DHRS7: variants seen among roughly 807,000 people sequenced by gnomAD.
The protein encoded by DHRS7 is dehydrogenase/reductase 7.
A neutral mutation model predicts 38.9 loss-of-function variants in DHRS7; 34 were observed. That is an observed-to-expected ratio of 0.87 (90% CI 0.66 to 1.16). The LOEUF is 1.16. DHRS7 is among the 50% of genes most tolerant of loss of function. DHRS7 has a pLI of 0.00. For missense variants in DHRS7, 421 were observed against 407.0 expected, an observed-to-expected ratio of 1.03 and a Z score of -0.30; for synonymous variants, 158 against 153.1, an observed-to-expected ratio of 1.03 and a Z score of -0.24.
chr14:60,150,822 T>C (rs559034496), intron 4 of DHRS7, among the ~76,000 whole-genome samples: 2 of 152,336 alleles, frequency 1.3e-5, no homozygotes, highest in East Asian at 3.9e-4. Flanking sequence ...CTCAGCTCTT[T>C]CCAGGTATAA....
In DHRS7 at chr14:60,165,347, G is replaced by A. The variant is rs548742268; in HGVS notation, c.-38C>T. 12 of 1,549,228 alleles carry A rather than the reference G, an allele frequency of 7.7e-6. No individual in the cohort carries two copies. Among genetic ancestry groups the A allele is most frequent in the Middle Eastern group, 1.8e-4 (1 of 5,468 alleles). Reference sequence around the variant, plus strand: ...CGCCCAGCTCGGGGGGAAGAAGACGGCCCGCACCAGAGTCGCGTCGCTGCC... The same window carrying A: ...CGCCCAGCTCGGGGGGAAGAAGACGACCCGCACCAGAGTCGCGTCGCTGCC... On this transcript the variant is annotated 5_prime_UTR_variant, in exon 1 of 7. Transcript: ENST00000557185. The surrounding 1 kb of genome is among the most constrained non-coding windows in gnomAD (Gnocchi z 4.6).
In DHRS7 at chr14:60,156,738, A is replaced by G. The variant is rs188859954; in HGVS notation, c.134-586T>C. On this transcript the variant is annotated intron_variant, in intron 1 of 6. Coordinates refer to ENST00000557185, the MANE Select transcript of DHRS7 (RefSeq NM_016029.4). Reference sequence around the variant, plus strand: ...CATTTGCCAATAATGCCTGATGCCTATCAGCTCAAGGTCATTTTGTAAAAA... The same window carrying G: ...CATTTGCCAATAATGCCTGATGCCTGTCAGCTCAAGGTCATTTTGTAAAAA... 3.8e-4 allele frequency among the ~76,000 whole-genome samples: 58 copies of G among 152,346 alleles called. 1 individual carries two copies. The highest frequency in any genetic ancestry group is 5.9e-4 in the Admixed American group (9 of 15,302).
chr14:60,147,929 G>T (rs192702203), intron 6 of DHRS7: 1 of 152,276 alleles, frequency 6.6e-6, no homozygotes, highest in Admixed American at 6.5e-5. Context: ...TAAAACTCAG[G>T]TATACTCTTT....
At chr14:60,149,196 C>T (rs412157) in intron 6 of DHRS7, 157 bp downstream of exon 6, 148,244 of 667,634 alleles carry the variant, frequency 0.22, 21,515 homozygotes, top group African/African-American at 0.52. Flanking sequence ...TGGTCTTGAA[C>T]TCCTGGCCTC....
At chr14:60,154,606 C>G (rs1341610890) in intron 2 of DHRS7, among the ~76,000 whole-genome samples, 1 of 152,116 alleles carries the variant, frequency 6.6e-6, no homozygotes, top group Admixed American at 6.5e-5. Context: ...GCTTTCTGTT[C>G]ATCAAAAGAA....
At chr14:60,149,779 G>A (rs1333222144) in intron 5 of DHRS7, among the ~76,000 whole-genome samples, 1 of 151,638 alleles carries the variant, frequency 6.6e-6, no homozygotes, top group Admixed American at 6.6e-5. Flanking sequence ...ATAATATAGT[G>A]CAGGCTAACT....
At chr14:60,152,329 C>T (rs2140595860) in intron 4 of DHRS7, among the ~76,000 whole-genome samples, 1 of 152,344 alleles carries the variant, frequency 6.6e-6, no homozygotes, top group South Asian at 2.1e-4. Context: ...AATCAAGCTT[C>T]TCTCCTTGCC....
In DHRS7 at chr14:60,146,935, A is replaced by G. The variant is rs1566528537; in HGVS notation, c.973-1922T>C. ...TGGAGGAAATGGGGAGATCTTGGTC[A>G]AAAGGTACACATTTTGGCCAGGCAC... On this transcript the variant is annotated intron_variant, in intron 6 of 6. Transcript: ENST00000557185. The surrounding 1 kb of genome is among the most constrained non-coding windows in gnomAD (Gnocchi z 4.9). 1 of 152,166 alleles carries G rather than the reference A, an allele frequency of 6.6e-6. No individual in the cohort carries two copies. Among genetic ancestry groups the G allele is most frequent in the South Asian group, 2.1e-4 (1 of 4,822 alleles). The allele number at this position is 152,166 out of a possible 1,614,324, so 9.4% of individuals were successfully genotyped here. A position where few individuals can be genotyped will look rare whatever the true frequency, so the allele number is the denominator to read the frequency against.
In DHRS7 at chr14:60,164,499, A is replaced by G. The variant is rs192217898; in HGVS notation, c.133+678T>C. ...TTGTAAGAGTTGTTGTAAAAGTTAA[A>G]TGTTATGTGTGTAAAGCGCTGAGCC... On this transcript the variant is annotated intron_variant, in intron 1 of 6. Coordinates refer to ENST00000557185, the MANE Select transcript of DHRS7 (RefSeq NM_016029.4). Among the ~76,000 whole-genome samples the G allele has an allele frequency of 2.0e-5, 3 of 152,286 alleles. No homozygotes were observed. The East Asian group carries it at 5.8e-4, about 29-fold the overall frequency.
intron 1 of DHRS7, 52 bp from the exon 2 acceptor site, chr14:60,156,204 A>C: frequency 2.1e-6 from 3 of 1,401,854 alleles, no homozygotes; most frequent in Non-Finnish European, 2.8e-6. Context: ...AATTACGCTC[A>C]TAAATCCAAG....
intron 1 of DHRS7, among the ~76,000 whole-genome samples, chr14:60,158,458 G>C (rs1896701567): frequency 6.6e-6 from 1 of 152,102 alleles, no homozygotes; most frequent in South Asian, 2.1e-4. Context: ...TCACACTCTA[G>C]AGTGAATATC....
At chr14:60,166,291 C>T (rs1303834536), upstream of DHRS7, 2 of 985,192 alleles carry the variant, frequency 2.0e-6, no homozygotes, top group African/African-American at 3.5e-5. Flanking sequence ...TCAGAGGGAC[C>T]CAGTTAGAGT....
At chr14:60,152,180 A>G (rs1372911551) in intron 4 of DHRS7, among the ~76,000 whole-genome samples, 2 of 152,368 alleles carry the variant, frequency 1.3e-5, no homozygotes, top group East Asian at 1.9e-4. Flanking sequence ...ACTGACTTCA[A>G]CAGCTTTAAA....
Position 60,144,870 on chromosome 14 carries a change from C to G in DHRS7, c.*96G>C. 1 of 1,056,688 alleles carries G rather than the reference C, an allele frequency of 9.5e-7. No homozygotes were observed. Among genetic ancestry groups the G allele is most frequent in the Non-Finnish European group, 1.4e-6 (1 of 691,518 alleles). 65.5% of individuals were successfully genotyped at this position (1,056,688 alleles called of 1,614,324 possible). A position where few individuals can be genotyped will look rare whatever the true frequency, so the allele number is the denominator to read the frequency against. On this transcript the variant is annotated 3_prime_UTR_variant, in exon 7 of 7. Transcript: ENST00000557185. ...TCATATCTATTAAAAAGTAAAATCACAAATTAGTCTTTGATTATTCAGAAG... is the reference window on the plus strand; with the variant it reads ...TCATATCTATTAAAAAGTAAAATCAGAAATTAGTCTTTGATTATTCAGAAG...
In DHRS7 at chr14:60,149,995, A is replaced by G. The variant is rs1896502460; in HGVS notation, c.756+70T>C. The G allele has an allele frequency of 4.0e-6, 6 of 1,496,388 alleles. No homozygotes were observed. The East Asian group carries it at 9.3e-5, about 23-fold the overall frequency. The allele number at this position is 1,496,388 out of a possible 1,614,324, so 92.7% of individuals were successfully genotyped here. A position where few individuals can be genotyped will look rare whatever the true frequency, so the allele number is the denominator to read the frequency against. On this transcript the variant is annotated intron_variant, in intron 5 of 6. Transcript: ENST00000557185. Reference sequence around the variant, plus strand: ...GGCAAAAACTATGATATACAGTGATACAACACCAATATATAATGCCAATAT... The same window carrying G: ...GGCAAAAACTATGATATACAGTGATGCAACACCAATATATAATGCCAATAT...
Position 60,148,810 on chromosome 14 carries a change from A to G in DHRS7, c.972+543T>C, listed in dbSNP as rs1441832220. 1 of 152,610 alleles carries G rather than the reference A, an allele frequency of 6.6e-6. No homozygotes were observed. The highest frequency in any genetic ancestry group is 1.9e-4 in the East Asian group (1 of 5,150). The allele number at this position is 152,610 out of a possible 1,614,324, so 9.5% of individuals were successfully genotyped here. ...TTTTGACACACACACTGGTCAAACA[A>G]TATGTATAGAAGAAAAACATGGCAA... is the stretch of plus-strand genomic sequence containing the variant. On this transcript the variant is annotated intron_variant, in intron 6 of 6. Transcript: ENST00000557185. The surrounding 1 kb of genome is among the most constrained non-coding windows in gnomAD (Gnocchi z 4.8).
upstream of DHRS7, among the ~76,000 whole-genome samples, chr14:60,167,353 A>G (rs764095996): frequency 9.2e-5 from 14 of 152,264 alleles, no homozygotes; most frequent in Non-Finnish European, 1.8e-4. Context: ...TAATAAATCA[A>G]TCTTCTCTAA....
In DHRS7 at chr14:60,162,820, T is replaced by C. The variant is rs938578091; in HGVS notation, c.133+2357A>G. On this transcript the variant is annotated intron_variant, in intron 1 of 6. Coordinates refer to ENST00000557185, the MANE Select transcript of DHRS7 (RefSeq NM_016029.4). The surrounding 1 kb of genome is among the most constrained non-coding windows in gnomAD (Gnocchi z 4.5). ...AAATGTTAATTCCACAGATATACTG[T>C]ATATCATTTATGTACTGTACATATA... Among the ~76,000 whole-genome samples the C allele has an allele frequency of 6.6e-6, 1 of 152,286 alleles. No homozygotes were observed. Among genetic ancestry groups the C allele is most frequent in the Admixed American group, 6.5e-5 (1 of 15,302 alleles).
chr14:60,152,713 G>C, intron 4 of DHRS7: 1 of 566,284 alleles, frequency 1.8e-6, no homozygotes, highest in Non-Finnish European at 3.2e-6. Flanking sequence ...GTAGTACATG[G>C]CACAATGCAG....
Sources: gnomAD v4.1 joint callset for allele counts (sites outside exome capture counted in the v4.1 genomes callset) on GRCh38, gnomAD v4.1.1 for gene constraint, Gnocchi (gnomAD v3.1) non-coding constraint, MANE v1.5 for transcripts, NCBI Gene and HGNC (gene_info 2026-07-23, HGNC 2026-07-21) for gene names.